JAM2: variants seen among roughly 807,000 people sequenced by gnomAD.
The protein encoded by JAM2 is junctional adhesion molecule 2, also known as junctional adhesion molecule B.
In JAM2, 17 loss-of-function variants were observed where a neutral mutation model predicts 42.0. The observed-to-expected ratio is 0.40, with a 90% CI of 0.28 to 0.61. JAM2 has a LOEUF of 0.61. Among genes scored for constraint, JAM2 ranks in the 20% least tolerant of loss-of-function variants. The pLI is 0.37. For missense variants in JAM2, 319 were observed against 358.3 expected (o/e 0.89, Z 0.89); for synonymous variants, 118 against 128.6 (o/e 0.92, Z 0.56).
At chr21:25,698,577 A>T in intron 4 of JAM2, 100 bp from the exon 5 acceptor site, 1 of 1,011,870 alleles carries the variant, frequency 9.9e-7, no homozygotes, top group Non-Finnish European at 1.5e-6. Flanking sequence ...CCTGGCTATT[A>T]AAACCATTGA....
intron 1 of JAM2, among the ~76,000 whole-genome samples, chr21:25,645,662 T>C (rs1319367108): frequency 6.6e-6 from 1 of 152,220 alleles, no homozygotes; most frequent in East Asian, 1.9e-4. Flanking sequence ...TGTCACCTAA[T>C]GATGCGATGT....
At chr21:25,641,614 A>C (rs370525061) in intron 1 of JAM2, among the ~76,000 whole-genome samples, 3 of 152,166 alleles carry the variant, frequency 2.0e-5, no homozygotes, top group African/African-American at 7.2e-5. Flanking sequence ...TTTATGTTTA[A>C]AACAATTTTA....
chr21:25,661,692 G>A (rs1048623962), intron 1 of JAM2, among the ~76,000 whole-genome samples: 4 of 151,440 alleles, frequency 2.6e-5, no homozygotes, highest in Admixed American at 1.3e-4. Context: ...GATAATAAAG[G>A]AGGCATCAAA....
chr21:25,687,570 T>G (rs1447658876), intron 2 of JAM2, among the ~76,000 whole-genome samples: 1 of 152,218 alleles, frequency 6.6e-6, no homozygotes. Flanking sequence ...ATGATTCCAG[T>G]ATTTTTATTC....
intron 2 of JAM2, among the ~76,000 whole-genome samples, chr21:25,686,249 TC>T (rs1202618537): frequency 1.3e-5 from 2 of 152,236 alleles, no homozygotes; most frequent in African/African-American, 4.8e-5. Context: ...ATAAGTGTTT[TC>T]TATTTTCTTG....
intron 1 of JAM2, among the ~76,000 whole-genome samples, chr21:25,652,883 G>C (rs1441047907): frequency 6.6e-6 from 1 of 152,156 alleles, no homozygotes; most frequent in East Asian, 1.9e-4. Context: ...AAAAACCTCA[G>C]TAGTTTGCCA....
At chr21:25,686,792 A>G (rs914354750) in intron 2 of JAM2, among the ~76,000 whole-genome samples, 4 of 152,272 alleles carry the variant, frequency 2.6e-5, no homozygotes, top group Non-Finnish European at 5.9e-5. Context: ...AGCCCTGAGA[A>G]TGAAATCAAA....
At chr21:25,644,462 C>A (rs1219015931) in intron 1 of JAM2, among the ~76,000 whole-genome samples, 2 of 152,118 alleles carry the variant, frequency 1.3e-5, no homozygotes, top group African/African-American at 4.8e-5. Flanking sequence ...AGGCTGCCAC[C>A]TGTCCCCACT....
intron 1 of JAM2, among the ~76,000 whole-genome samples, chr21:25,646,972 G>GA (rs1253949045): frequency 6.6e-6 from 1 of 152,154 alleles, no homozygotes; most frequent in Non-Finnish European, 1.5e-5. Flanking sequence ...GATAATTTAG[G>GA]ACGGGCTTGT....
intron 2 of JAM2, among the ~76,000 whole-genome samples, chr21:25,688,739 A>G (rs917195962): frequency 6.6e-6 from 1 of 152,176 alleles, no homozygotes; most frequent in African/African-American, 2.4e-5. Flanking sequence ...ATATGTGTGG[A>G]ATGAAAAAAA....
chr21:25,644,482 G>C (rs2032544754), intron 1 of JAM2, among the ~76,000 whole-genome samples: 1 of 152,130 alleles, frequency 6.6e-6, no homozygotes, highest in Non-Finnish European at 1.5e-5. Context: ...TCACGGCCCT[G>C]CGACACCAGG....
intron 1 of JAM2, among the ~76,000 whole-genome samples, chr21:25,662,822 G>C (rs2123334935): frequency 6.6e-6 from 1 of 152,178 alleles, no homozygotes; most frequent in African/African-American, 2.4e-5. Flanking sequence ...GTTTATAACA[G>C]ACATTTAATT....
rs2033935352 is a variant in JAM2, at chr21:25,693,799, G to T, written c.285G>T (p.Arg95=). The change falls in exon 4 of 10, where the codon CGG becomes CGT. Residue 95 remains arginine, a synonymous_variant. Transcript: ENST00000480456. ...NRAEMIDFNI[R]IKNVTRSDAG... ...CTGAGATGATAGATTTCAATATCCG[G>T]ATCAAAAATGTGACAAGAAGTGATG... The T allele has an allele frequency of 1.9e-6, 3 of 1,614,074 alleles. No homozygotes were observed. The highest frequency in any genetic ancestry group is 2.5e-6 in the Non-Finnish European group (3 of 1,179,958).
intron 1 of JAM2, among the ~76,000 whole-genome samples, chr21:25,669,328 C>T (rs529323765): frequency 9.9e-5 from 15 of 151,256 alleles, no homozygotes; most frequent in Admixed American, 2.0e-4. Context: ...CCCATGATTG[C>T]GCGCCTGCAC....
chr21:25,690,039 T>C (rs1199341386), intron 3 of JAM2, 66 bp downstream of exon 3: 2 of 971,466 alleles, frequency 2.1e-6, no homozygotes, highest in East Asian at 2.4e-5. Flanking sequence ...GATCCTTTAA[T>C]TGGCAAATGA....
intron 1 of JAM2, among the ~76,000 whole-genome samples, chr21:25,673,964 G>A (rs141750617): frequency 2.0e-5 from 3 of 152,256 alleles, no homozygotes; most frequent in African/African-American, 7.2e-5. Flanking sequence ...TTTTATAAGG[G>A]GTTTCCCCTT....
chr21:25,668,481 T>C (rs1287832187), intron 1 of JAM2, among the ~76,000 whole-genome samples: 1 of 152,158 alleles, frequency 6.6e-6, no homozygotes, highest in Admixed American at 6.5e-5. Flanking sequence ...GTAAAGTCAG[T>C]AGGTTTTGCT....
At chr21:25,666,811 T>G (rs1438616449) in intron 1 of JAM2, among the ~76,000 whole-genome samples, 1 of 152,222 alleles carries the variant, frequency 6.6e-6, no homozygotes, top group Non-Finnish European at 1.5e-5. Context: ...ATTACAGGCA[T>G]GAGCCATTGC....
chr21:25,694,092 T>C (rs1017286899), intron 4 of JAM2, among the ~76,000 whole-genome samples, 184 bp downstream of exon 4: 8 of 152,242 alleles, frequency 5.3e-5, no homozygotes, highest in African/African-American at 1.4e-4. Flanking sequence ...CCTCTCCTCA[T>C]TGGCTGCTGA....
Sources: allele counts gnomAD v4.1 joint callset (sites outside exome capture counted in the v4.1 genomes callset), GRCh38; gene constraint gnomAD v4.1.1; transcripts MANE v1.5; gene names NCBI Gene and HGNC (gene_info 2026-07-23, HGNC 2026-07-21).